Variants in MCC observed in about 807,000 individuals in gnomAD.
MCC encodes colorectal mutant cancer protein.
In MCC, 90 loss-of-function variants were observed where a neutral mutation model predicts 116.2. That is an observed-to-expected ratio of 0.77 (90% CI 0.65 to 0.92). MCC has a LOEUF of 0.92. Ranked by LOEUF, MCC falls within the 40% of genes least tolerant of loss-of-function variation. The pLI is 0.00. For missense variants in MCC, 1,516 were observed against 1,312.2 expected (o/e 1.16, Z -2.40); for synonymous variants, 578 against 510.5 (o/e 1.13, Z -1.78).
intron 15 of MCC, among the ~76,000 whole-genome samples, chr5:113,049,758 C>T (rs986753244): frequency 2.6e-5 from 4 of 152,184 alleles, no homozygotes; most frequent in Admixed American, 1.3e-4. Flanking sequence ...ATGGCACCAA[C>T]CACATGTTTA....
intron 5 of MCC, among the ~76,000 whole-genome samples, chr5:113,123,321 T>C (rs965241936): frequency 4.6e-5 from 7 of 152,136 alleles, no homozygotes; most frequent in African/African-American, 1.7e-4. Flanking sequence ...TCTGTGCAGA[T>C]CAAACTAGAC....
At chr5:113,094,454 C>T (rs930444134) in intron 8 of MCC, among the ~76,000 whole-genome samples, 1 of 148,696 alleles carries the variant, frequency 6.7e-6, no homozygotes, top group South Asian at 2.1e-4. Context: ...CAGAATCTCA[C>T]ACGTTGCCTA....
chr5:113,395,674 C>A (rs1288187920), intron 1 of MCC, among the ~76,000 whole-genome samples: 1 of 152,174 alleles, frequency 6.6e-6, no homozygotes, highest in Non-Finnish European at 1.5e-5. Flanking sequence ...GCACGCTTAA[C>A]CTTGGCAAAA....
In MCC at chr5:113,178,080, C is replaced by T. The variant is rs537132984; in HGVS notation, c.628-26658G>A. Among the ~76,000 whole-genome samples the T allele has an allele frequency of 1.3e-5, 2 of 152,290 alleles. 1 individual carries two copies. Among genetic ancestry groups the T allele is most frequent in the African/African-American group, 4.8e-5 (2 of 41,556 alleles). Reference sequence around the variant, plus strand: ...TAAGAATGGACCAAAACAGGGCTTGCAAATCAGAACACATGCAGGAAAGTG... The same window carrying T: ...TAAGAATGGACCAAAACAGGGCTTGTAAATCAGAACACATGCAGGAAAGTG... On this transcript the variant is annotated intron_variant, in intron 3 of 18. Coordinates refer to ENST00000408903, the MANE Select transcript of MCC (RefSeq NM_001085377.2).
At chr5:113,123,361 A>T (rs55665496) in intron 5 of MCC, among the ~76,000 whole-genome samples, 1 of 152,364 alleles carries the variant, frequency 6.6e-6, no homozygotes, top group Non-Finnish European at 1.5e-5. Context: ...ATCAGCATGT[A>T]TAAGAAAGAC....
At chr5:113,066,628 G>A (rs1487481925) in intron 13 of MCC, among the ~76,000 whole-genome samples, 1 of 152,190 alleles carries the variant, frequency 6.6e-6, no homozygotes, top group African/African-American at 2.4e-5. Context: ...AGATTCCTGT[G>A]CAAGTCGAAA....
intron 3 of MCC, among the ~76,000 whole-genome samples, chr5:113,194,865 C>T (rs187936113): frequency 2.4e-4 from 36 of 152,182 alleles, no homozygotes; most frequent in Middle Eastern, 3.4e-3. Flanking sequence ...ACAAAGCAAA[C>T]GCAATAAACC....
chr5:113,068,189 AC>A lies in MCC; in HGVS notation c.1926-7del. The A allele has an allele frequency of 6.2e-7, 1 of 1,611,364 alleles. No individual in the cohort carries two copies. The highest frequency in any genetic ancestry group is 2.2e-5 in the East Asian group (1 of 44,868). The stretch of plus-strand genomic sequence containing the variant: ...AGGCTTCGATGCACTGCTCGCTGAA[AC>A]AAAGCACATGGGGCCTCAGCCCTTG... On this transcript the variant is annotated splice_region_variant and splice_polypyrimidine_tract_variant and intron_variant, in intron 12 of 18. Coordinates refer to ENST00000408903, the MANE Select transcript of MCC (RefSeq NM_001085377.2).
intron 1 of MCC, chr5:113,433,952 G>C (rs550503876): frequency 6.2e-7 from 1 of 1,613,996 alleles, no homozygotes; most frequent in Non-Finnish European, 8.5e-7. Context: ...GGGTCCACAA[G>C]GGTTCAGTTC....
At chr5:113,316,416 G>A (rs1157802201) in intron 3 of MCC, among the ~76,000 whole-genome samples, 2 of 152,064 alleles carry the variant, frequency 1.3e-5, no homozygotes, top group Admixed American at 6.6e-5. Context: ...AAAAGAGAAC[G>A]AAGTTTGCAG....
At chr5:113,102,355 T>G (rs1756475263) in intron 7 of MCC, among the ~76,000 whole-genome samples, 2 of 152,240 alleles carry the variant, frequency 1.3e-5, no homozygotes, top group South Asian at 4.1e-4. Context: ...GTAAACTGCA[T>G]ACAAAATCTA....
intron 3 of MCC, among the ~76,000 whole-genome samples, chr5:113,178,163 T>C (rs1761434042): frequency 6.6e-6 from 1 of 152,132 alleles, no homozygotes; most frequent in Non-Finnish European, 1.5e-5. Flanking sequence ...TAGAATGCGT[T>C]CCTGAATGAC....
intron 6 of MCC, among the ~76,000 whole-genome samples, chr5:113,119,476 G>A (rs1334605496): frequency 6.6e-6 from 1 of 152,202 alleles, no homozygotes; most frequent in South Asian, 2.1e-4. Flanking sequence ...CAGGCTGGAG[G>A]AACAGCAAGC....
At chr5:113,054,977 G>A (rs569053975) in intron 14 of MCC, among the ~76,000 whole-genome samples, 13 of 152,340 alleles carry the variant, frequency 8.5e-5, no homozygotes, top group South Asian at 2.1e-4. Context: ...AGTGTGCACC[G>A]ACAGCAGTTT....
At chr5:113,150,763 T>C (rs1759810581) in intron 4 of MCC, among the ~76,000 whole-genome samples, 1 of 152,082 alleles carries the variant, frequency 6.6e-6, no homozygotes, top group Admixed American at 6.6e-5. Context: ...AAATTAATAT[T>C]AACAAGATAA....
At chr5:113,397,757 A>G (rs1769563162) in intron 1 of MCC, among the ~76,000 whole-genome samples, 1 of 152,200 alleles carries the variant, frequency 6.6e-6, no homozygotes, top group African/African-American at 2.4e-5. Flanking sequence ...CCTAGGAAAT[A>G]CTCTTCTGAA....
chr5:113,391,782 G>A (rs371640071), intron 1 of MCC, among the ~76,000 whole-genome samples: 19 of 152,060 alleles, frequency 1.2e-4, no homozygotes, highest in Admixed American at 2.0e-4. Flanking sequence ...TCCGTGTTAC[G>A]GAAGAAATGA....
intron 1 of MCC, among the ~76,000 whole-genome samples, chr5:113,410,931 T>C (rs1437358090): frequency 3.3e-5 from 5 of 152,240 alleles, no homozygotes; most frequent in African/African-American, 1.2e-4. Flanking sequence ...GCATAGGACA[T>C]GAACTCATCC....
intron 13 of MCC, among the ~76,000 whole-genome samples, chr5:113,065,864 G>A (rs1029174733): frequency 7.9e-5 from 12 of 152,296 alleles, no homozygotes; most frequent in African/African-American, 2.6e-4. Context: ...AGGCTTAATG[G>A]GGAACTGCTA....
Sources: allele counts gnomAD v4.1 joint callset (sites outside exome capture counted in the v4.1 genomes callset), GRCh38; gene constraint gnomAD v4.1.1; transcripts MANE v1.5; gene names NCBI Gene and HGNC (gene_info 2026-07-23, HGNC 2026-07-21).